ARL10: variants seen among roughly 807,000 people sequenced by gnomAD.
ARL10 encodes the protein ARF like GTPase 10.
ARL10 carries 23 observed loss-of-function variants against 26.1 expected under a neutral mutation model. The ratio of observed to expected loss-of-function variants is 0.88; its 90% confidence interval spans 0.63 to 1.25. The LOEUF is 1.25. Among genes scored for constraint, ARL10 ranks in the 50% most tolerant of loss-of-function variants. The probability of loss-of-function intolerance (pLI) is 0.00; values close to 1 mark genes in which losing one functional copy is unlikely to be tolerated. For synonymous variants in ARL10, 138 were observed against 149.1 expected (o/e 0.93, Z 0.54); for missense variants, 300 against 323.6 (o/e 0.93, Z 0.56).
intron 1 of ARL10, chr5:176,388,244 A>G: frequency 6.2e-7 from 1 of 1,611,194 alleles, no homozygotes. Flanking sequence ...CCTTTCTCTT[A>G]CGGAGGGGCA....
intron 1 of ARL10, chr5:176,397,587 T>C (rs1303597426): frequency 2.2e-6 from 2 of 919,386 alleles, no homozygotes; most frequent in Middle Eastern, 2.5e-4. Context: ...GGCCCCCTCA[T>C]GTCCCTACAG....
At chr5:176,406,382 A>G (rs1757121549), downstream of ARL10, 18 of 1,136,006 alleles carry the variant, frequency 1.6e-5, no homozygotes, top group Non-Finnish European at 2.0e-5. Context: ...CCCACCCATG[A>G]GAACCTCTGT....
intron 1 of ARL10, among the ~76,000 whole-genome samples, chr5:176,394,927 T>C (rs1756446632): frequency 1.3e-5 from 2 of 152,070 alleles, no homozygotes; most frequent in African/African-American, 4.8e-5. Context: ...CCCCCTGTGG[T>C]ATTCCACAGC....
Position 176,375,102 on chromosome 5 carries a change from A to ATCCATCCC in ARL10, c.*3215_*3222dup, listed in dbSNP as rs1196906623. 1 of 149,128 alleles carries ATCCATCCC rather than the reference A, an allele frequency of 6.7e-6. No individual in the cohort carries two copies. Among genetic ancestry groups the ATCCATCCC allele is most frequent in the Non-Finnish European group, 1.5e-5 (1 of 67,024 alleles). 9.2% of individuals were successfully genotyped at this position (149,128 alleles called of 1,614,324 possible). The stretch of plus-strand genomic sequence containing the variant: ...CATCCATCCATCCATCCATCCATCC[A>ATCCATCCC]TCCATCCCTCCATCCGTCCACCCGT... On this transcript the variant is annotated 3_prime_UTR_variant, in exon 4 of 4. Transcript: ENST00000310389.
At chr5:176,410,415 G>A in the ARL10 span, 5 of 766,924 alleles carry the variant, frequency 6.5e-6, no homozygotes, top group East Asian at 8.0e-5. Context: ...TGTATATATC[G>A]ACCCACATGC....
chr5:176,387,596 TA>T (rs1755977770), intron 1 of ARL10, among the ~76,000 whole-genome samples: 1 of 149,838 alleles, frequency 6.7e-6, no homozygotes, highest in South Asian at 2.1e-4. Flanking sequence ...ATACCCATTT[TA>T]TAGATAGGCA....
At chr5:176,388,824 C>T, downstream of ARL10, 3 of 1,613,464 alleles carry the variant, frequency 1.9e-6, no homozygotes, top group Non-Finnish European at 2.5e-6. Flanking sequence ...CCGGACATGG[C>T]GACTCCCGGC....
At chr5:176,399,153 C>T (rs55827151) in intron 1 of ARL10, among the ~76,000 whole-genome samples, 32,691 of 151,864 alleles carry the variant, frequency 0.22, 3,543 homozygotes, top group Middle Eastern at 0.27. Context: ...CCAAAAGGAC[C>T]TTACTTTATA....
At chr5:176,392,651 G>T, downstream of ARL10, 2 of 1,158,658 alleles carry the variant, frequency 1.7e-6, no homozygotes, top group Non-Finnish European at 2.5e-6. The surrounding 1 kb of genome is among the most constrained non-coding windows in gnomAD (Gnocchi z 5.2). Context: ...AGCGCCTGGA[G>T]ATGGGGAGGA....
At chr5:176,383,917 A>G, downstream of ARL10, 1 of 1,450,080 alleles carries the variant, frequency 6.9e-7, no homozygotes, top group Non-Finnish European at 9.1e-7. Flanking sequence ...TTTGGCTGAG[A>G]GCAGAAAAAT....
Position 176,365,687 on chromosome 5 carries a change from C to T in ARL10, c.124C>T (p.Arg42Trp). 1.6e-6 allele frequency: 2 copies of T among 1,243,900 alleles called. No homozygotes were observed. Among genetic ancestry groups the T allele is most frequent in the South Asian group, 7.5e-5 (2 of 26,792 alleles). 77.1% of individuals were successfully genotyped at this position (1,243,900 alleles called of 1,614,324 possible). Residue 42 changes from arginine to tryptophan, a missense_variant, in exon 1 of 4, where the codon CGG becomes TGG. By Grantham distance (101) the Arg-to-Trp change is moderately radical. Coordinates refer to ENST00000310389, the MANE Select transcript of ARL10 (RefSeq NM_173664.6). ...FGRGRERRWD[R>W]GEAWWGAEAA... ...CCGCGGCCGAGAGCGGCGCTGGGAC[C>T]GGGGAGAGGCCTGGTGGGGCGCGGA... is the stretch of plus-strand genomic sequence containing the variant.
chr5:176,388,831 C>G (rs752941444), downstream of ARL10: 2 of 1,613,924 alleles, frequency 1.2e-6, no homozygotes, highest in Non-Finnish European at 8.5e-7. Flanking sequence ...TGGCGACTCC[C>G]GGCCCTGTGA....
At position 176,367,196 on chromosome 5, in the gene ARL10, CG is replaced by C. The variant is rs1413662389; in HGVS notation, c.385+620del. On this transcript the variant is annotated intron_variant, in intron 2 of 3. Transcript: ENST00000310389. Reference sequence around the variant, plus strand: ...CTAATTTTTGTATTTTTAGTAGAGACGGGGGTTTCACCACATTGGTCAGGCT... The same window carrying C: ...CTAATTTTTGTATTTTTAGTAGAGACGGGGTTTCACCACATTGGTCAGGCT... Among the ~76,000 whole-genome samples the C allele has an allele frequency of 2.0e-5, 3 of 152,016 alleles. No individual in the cohort carries two copies. The East Asian group carries it at 5.8e-4, about 29-fold the overall frequency.
downstream of ARL10, chr5:176,392,984 C>T: frequency 6.2e-7 from 1 of 1,612,280 alleles, no homozygotes; most frequent in Non-Finnish European, 8.5e-7. The surrounding 1 kb of genome is among the most constrained non-coding windows in gnomAD (Gnocchi z 5.2). Flanking sequence ...TAGCAGTCTG[C>T]TTTCCCCCAG....
Position 176,365,598 on chromosome 5 carries a change from C to A in ARL10, c.35C>A (p.Ala12Glu), listed in dbSNP as rs767026413. ...APRPLGPLVL[A>E]LGGAAAVLGS... Reference sequence around the variant, plus strand: ...CGGCCGCTGGGCCCCTTGGTGCTGGCGCTGGGCGGCGCCGCGGCGGTGCTG... The same window carrying A: ...CGGCCGCTGGGCCCCTTGGTGCTGGAGCTGGGCGGCGCCGCGGCGGTGCTG... Residue 12 changes from alanine (A) to glutamate (E), a missense_variant, in exon 1 of 4, where the codon GCG becomes GAG. Ala to Glu is a moderately radical substitution (Grantham distance 107). Transcript: ENST00000310389. 8.0e-7 allele frequency: 1 copy of A among 1,251,782 alleles called. No individual in the cohort carries two copies. Among genetic ancestry groups the A allele is most frequent in the South Asian group, 3.5e-5 (1 of 28,592 alleles). The allele number at this position is 1,251,782 out of a possible 1,614,324, so 77.5% of individuals were successfully genotyped here.
the ARL10 span, among the ~76,000 whole-genome samples, chr5:176,406,915 C>G: frequency 1.3e-5 from 2 of 152,174 alleles, no homozygotes; most frequent in African/African-American, 4.8e-5. Flanking sequence ...CAAAGCACAC[C>G]GGGTCGGAGC....
chr5:176,383,934 T>A (rs1012559047), downstream of ARL10: 4 of 1,470,790 alleles, frequency 2.7e-6, no homozygotes, highest in Non-Finnish European at 3.6e-6. Context: ...AAATACAAAA[T>A]CATCAGAGAA....
downstream of ARL10, among the ~76,000 whole-genome samples, chr5:176,402,668 T>C (rs560446432): frequency 6.6e-6 from 1 of 152,314 alleles, no homozygotes; most frequent in South Asian, 2.1e-4. Context: ...CTTTCAAGAA[T>C]ACTGAATGAA....
the ARL10 span, chr5:176,410,233 C>T: frequency 1.2e-6 from 2 of 1,611,954 alleles, no homozygotes; most frequent in South Asian, 2.2e-5. Flanking sequence ...GTCCTTACCA[C>T]TGCTGAGACA....
Sources: gnomAD v4.1 joint callset for allele counts (sites outside exome capture counted in the v4.1 genomes callset) on GRCh38, gnomAD v4.1.1 for gene constraint, Gnocchi (gnomAD v3.1) non-coding constraint, MANE v1.5 for transcripts, NCBI Gene and HGNC (gene_info 2026-07-23, HGNC 2026-07-21) for gene names.